Variants in WWOX observed in about 807,000 individuals in gnomAD.
The protein encoded by WWOX is WW domain containing oxidoreductase.
WWOX carries 69 observed loss-of-function variants against 46.2 expected under a neutral mutation model. That is an observed-to-expected ratio of 1.49 (90% CI 1.23 to 1.82). WWOX has a LOEUF of 1.82. WWOX is among the 40% of genes most tolerant of loss of function. The probability of loss-of-function intolerance (pLI) is 0.00; values close to 1 mark genes in which losing one functional copy is unlikely to be tolerated. For missense variants in WWOX, 919 were observed against 542.6 expected, an observed-to-expected ratio of 1.69 and a Z score of -6.89; for synonymous variants, 359 against 202.6, an observed-to-expected ratio of 1.77 and a Z score of -6.56.
chr16:78,567,026 G>A (rs576329800), intron 8 of WWOX, among the ~76,000 whole-genome samples: 4 of 151,802 alleles, frequency 2.6e-5, no homozygotes, highest in Non-Finnish European at 5.9e-5. Context: ...GCATGAGGCT[G>A]AAGTCATACA....
intron 8 of WWOX, among the ~76,000 whole-genome samples, chr16:78,708,957 G>A (rs1263961235): frequency 3.3e-5 from 5 of 152,194 alleles, no homozygotes; most frequent in Non-Finnish European, 7.4e-5. Flanking sequence ...AAAACTCAGT[G>A]TCACTTGCAC....
chr16:78,932,692 A>G (rs1030269211), intron 8 of WWOX, among the ~76,000 whole-genome samples: 3 of 152,222 alleles, frequency 2.0e-5, no homozygotes, highest in African/African-American at 7.2e-5. Context: ...TGGTGGAGTT[A>G]AAACAGACTA....
At chr16:78,131,581 T>G (rs1262015602) in intron 4 of WWOX, among the ~76,000 whole-genome samples, 1 of 151,948 alleles carries the variant, frequency 6.6e-6, no homozygotes, top group Non-Finnish European at 1.5e-5. Flanking sequence ...GATACTAAAA[T>G]GTTTTTTTTT....
chr16:78,782,621 A>G (rs991722100), intron 8 of WWOX, among the ~76,000 whole-genome samples: 2 of 150,640 alleles, frequency 1.3e-5, no homozygotes, highest in Non-Finnish European at 2.9e-5. Flanking sequence ...TGCAGGCTCC[A>G]TTAACCTTTT....
intron 8 of WWOX, among the ~76,000 whole-genome samples, chr16:79,029,218 A>C (rs1332575813): frequency 6.6e-6 from 1 of 152,020 alleles, no homozygotes; most frequent in Non-Finnish European, 1.5e-5. Context: ...CCTTTGCCCC[A>C]CCCCGTCACG....
At chr16:78,779,320 T>C (rs2050268445) in intron 8 of WWOX, among the ~76,000 whole-genome samples, 1 of 152,140 alleles carries the variant, frequency 6.6e-6, no homozygotes, top group Non-Finnish European at 1.5e-5. Context: ...AACTTTTATT[T>C]ATTTTTAGTA....
intron 8 of WWOX, among the ~76,000 whole-genome samples, chr16:78,727,676 C>T (rs371924814): frequency 1.3e-5 from 2 of 152,128 alleles, no homozygotes; most frequent in East Asian, 1.9e-4. Flanking sequence ...TTATGTCAAG[C>T]TTCTTTCAGT....
intron 8 of WWOX, among the ~76,000 whole-genome samples, chr16:78,954,391 G>A (rs557630279): frequency 1.3e-5 from 2 of 152,280 alleles, no homozygotes; most frequent in East Asian, 3.9e-4. Context: ...TGGATGAACA[G>A]ATGAATGGAT....
intron 6 of WWOX, among the ~76,000 whole-genome samples, chr16:78,395,137 A>C (rs1597158318): frequency 6.6e-6 from 1 of 152,198 alleles, no homozygotes; most frequent in African/African-American, 2.4e-5. Flanking sequence ...TATAGAGTTT[A>C]AGACAGCAAT....
At chr16:78,909,018 G>A (rs750198661) in intron 8 of WWOX, among the ~76,000 whole-genome samples, 5 of 152,108 alleles carry the variant, frequency 3.3e-5, no homozygotes, top group African/African-American at 1.2e-4. Context: ...GTTTATTTTG[G>A]GAAAGGGCTG....
chr16:78,984,998 T>C (rs771294320), intron 8 of WWOX, among the ~76,000 whole-genome samples: 5 of 152,230 alleles, frequency 3.3e-5, no homozygotes, highest in South Asian at 2.1e-4. Flanking sequence ...AAAAAAAATA[T>C]TGGATCCTTG....
chr16:78,458,812 T>C (rs151213012), intron 8 of WWOX, among the ~76,000 whole-genome samples: 72 of 152,158 alleles, frequency 4.7e-4, no homozygotes, highest in African/African-American at 1.7e-3. Flanking sequence ...TCTGTGTGTG[T>C]TGGGGGTGGA....
chr16:78,587,193 C>CTTTTTTTTTTTTTTTTTTTTTTTT (rs528293412), intron 8 of WWOX, among the ~76,000 whole-genome samples: 2 of 112,908 alleles, frequency 1.8e-5, no homozygotes, highest in African/African-American at 6.8e-5. Context: ...GCCTGGCTAA[C>CTTTTTTTTTTTTTTTTTTTTTTTT]TTTTTTTTTT....
intron 8 of WWOX, among the ~76,000 whole-genome samples, chr16:78,670,689 A>G (rs2047440040): frequency 6.6e-6 from 1 of 152,118 alleles, no homozygotes; most frequent in South Asian, 2.1e-4. Context: ...TTTTTATTTA[A>G]AAAACAGAGA....
At chr16:78,742,168 G>C (rs1345779287) in intron 8 of WWOX, among the ~76,000 whole-genome samples, 1 of 152,158 alleles carries the variant, frequency 6.6e-6, no homozygotes, top group Non-Finnish European at 1.5e-5. Context: ...ATTACATGTA[G>C]ATTGTACATC....
chr16:78,643,842 C>G (rs1013968316), intron 8 of WWOX, among the ~76,000 whole-genome samples: 1 of 136,064 alleles, frequency 7.3e-6, no homozygotes, highest in Admixed American at 7.5e-5. Flanking sequence ...AAAAAAAAAA[C>G]TTTCTTCCCA....
chr16:78,843,849 C>T (rs1349589569), intron 8 of WWOX, among the ~76,000 whole-genome samples: 2 of 152,086 alleles, frequency 1.3e-5, no homozygotes, highest in African/African-American at 4.8e-5. Flanking sequence ...TAGAGGTTGG[C>T]TCATATTTTT....
At chr16:78,656,452 C>G (rs1125675) in intron 8 of WWOX, among the ~76,000 whole-genome samples, 72,545 of 152,046 alleles carry the variant, frequency 0.48, 18,365 homozygotes, top group Admixed American at 0.6. Flanking sequence ...TTAGGGAGGC[C>G]TAAGGAAACT....
At chr16:78,444,216 T>C (rs1376441056) in intron 8 of WWOX, among the ~76,000 whole-genome samples, 1 of 152,206 alleles carries the variant, frequency 6.6e-6, no homozygotes, top group Non-Finnish European at 1.5e-5. Context: ...TCCTTCTTTA[T>C]GTCTTACTCA....
Sources: gnomAD v4.1 joint callset for allele counts (sites outside exome capture counted in the v4.1 genomes callset) on GRCh38, gnomAD v4.1.1 for gene constraint, MANE v1.5 for transcripts, NCBI Gene and HGNC (gene_info 2026-07-23, HGNC 2026-07-21) for gene names.